The following ANTXR1 variants were observed in gnomAD, a reference collection of about 807,000 sequenced individuals.
The protein encoded by ANTXR1 is ANTXR cell adhesion molecule 1, also known as anthrax toxin receptor 1.
ANTXR1 carries 19 observed loss-of-function variants against 78.1 expected under a neutral mutation model. The ratio of observed to expected loss-of-function variants is 0.24; its 90% CI spans 0.17 to 0.36. The LOEUF (loss-of-function observed/expected upper bound fraction) is 0.36, where lower values mean the gene tolerates loss of function less well. ANTXR1 is among the 10% of genes least tolerant of loss of function. The pLI is 1.00. For synonymous variants in ANTXR1, 273 were observed against 260.5 expected (o/e 1.05, Z -0.46); for missense variants, 518 against 718.6 (o/e 0.72, Z 3.19).
intron 17 of ANTXR1, among the ~76,000 whole-genome samples, chr2:69,198,241 C>T (rs1674705968): frequency 6.6e-6 from 1 of 152,188 alleles, no homozygotes; most frequent in South Asian, 2.1e-4. Context: ...ACATTAGCCC[C>T]CTATGAAACG....
chr2:69,161,163 TG>T (rs1673673440), intron 13 of ANTXR1, among the ~76,000 whole-genome samples: 1 of 152,224 alleles, frequency 6.6e-6, no homozygotes, highest in South Asian at 2.1e-4. Flanking sequence ...TTTATTTTGC[TG>T]TTTCACTTCA....
At chr2:69,098,722 A>T (rs1210303107) in intron 9 of ANTXR1, among the ~76,000 whole-genome samples, 2 of 152,164 alleles carry the variant, frequency 1.3e-5, no homozygotes, top group Admixed American at 1.3e-4. Context: ...GTGGTGGCTC[A>T]CACCTGTAAT....
chr2:69,096,298 G>A (rs7582428), intron 9 of ANTXR1, among the ~76,000 whole-genome samples: 8,951 of 15,254 alleles, frequency 0.59, 2,086 homozygotes, highest in East Asian at 0.71. Flanking sequence ...GGGAGGAAGG[G>A]AGGAAGGGAG....
In ANTXR1 at chr2:69,013,317, G is replaced by T; in HGVS notation, c.-183G>T. ...AAACCCGAAACCCAGAAACAGCATCGGAGCGGAAACCAGAGGGGAAACCTT... is the reference window on the plus strand; with the variant it reads ...AAACCCGAAACCCAGAAACAGCATCTGAGCGGAAACCAGAGGGGAAACCTT... On this transcript the variant is annotated 5_prime_UTR_variant, in exon 1 of 18. Coordinates refer to ENST00000303714, the MANE Select transcript of ANTXR1 (RefSeq NM_032208.3). The surrounding 1 kb of genome is among the most constrained non-coding windows in gnomAD (Gnocchi z 5.0). 1 of 788,650 alleles carries T rather than the reference G, an allele frequency of 1.3e-6. No individual in the cohort carries two copies. The highest frequency in any genetic ancestry group is 2.3e-5 in the Admixed American group (1 of 43,212). 48.9% of individuals were successfully genotyped at this position (788,650 alleles called of 1,614,324 possible). A position where few individuals can be genotyped will look rare whatever the true frequency, so the allele number is the denominator to read the frequency against.
In ANTXR1 at chr2:69,146,135, G is replaced by A. The variant is rs1245190926; in HGVS notation, c.952-6034G>A. ...GCTGAGCTTGTCCTGCCTTCGTATTGAATGTTGCCTGTCTGCCTCCTTAAT... is the reference window on the plus strand; with the variant it reads ...GCTGAGCTTGTCCTGCCTTCGTATTAAATGTTGCCTGTCTGCCTCCTTAAT... On this transcript the variant is annotated intron_variant, in intron 12 of 17. Coordinates refer to ENST00000303714, the MANE Select transcript of ANTXR1 (RefSeq NM_032208.3). 4.1e-6 allele frequency: 4 copies of A among 985,282 alleles called. No individual in the cohort carries two copies. In the African/African-American group the frequency reaches 7.0e-5, roughly 17 times the overall value. 61.0% of individuals were successfully genotyped at this position (985,282 alleles called of 1,614,324 possible). A position where few individuals can be genotyped will look rare whatever the true frequency, so the allele number is the denominator to read the frequency against.
At chr2:69,087,892 A>G (rs1573861223) in intron 8 of ANTXR1, among the ~76,000 whole-genome samples, 1 of 152,084 alleles carries the variant, frequency 6.6e-6, no homozygotes, top group Non-Finnish European at 1.5e-5. Flanking sequence ...AAATCCACCA[A>G]CTGCCATTGT....
intron 17 of ANTXR1, among the ~76,000 whole-genome samples, chr2:69,238,016 A>G (rs1371081454): frequency 6.6e-6 from 1 of 152,162 alleles, no homozygotes; most frequent in African/African-American, 2.4e-5. Context: ...AGTATGAAGG[A>G]TCTTTATGAA....
intron 12 of ANTXR1, chr2:69,145,880 C>G (rs1673212400): frequency 1.0e-6 from 1 of 985,964 alleles, no homozygotes; most frequent in African/African-American, 1.7e-5. Flanking sequence ...CATTAAAAAT[C>G]CAAAATTGCC....
intron 10 of ANTXR1, among the ~76,000 whole-genome samples, chr2:69,120,125 T>C (rs1672292513): frequency 6.6e-6 from 1 of 152,226 alleles, no homozygotes; most frequent in African/African-American, 2.4e-5. Flanking sequence ...TTCGAAACAC[T>C]GACATTACCC....
chr2:69,212,289 C>T (rs540075500), intron 17 of ANTXR1, among the ~76,000 whole-genome samples: 2 of 152,150 alleles, frequency 1.3e-5, no homozygotes, highest in African/African-American at 2.4e-5. Flanking sequence ...GAGAATTTCA[C>T]AGGACCTTGG....
intron 17 of ANTXR1, among the ~76,000 whole-genome samples, chr2:69,235,667 A>AAG (rs1675743097): frequency 6.6e-6 from 1 of 150,810 alleles, no homozygotes; most frequent in Non-Finnish European, 1.5e-5. Flanking sequence ...AAAAAAAAAA[A>AAG]AAAAAAGAAT....
intron 12 of ANTXR1, chr2:69,145,221 A>C: frequency 1.7e-6 from 2 of 1,190,830 alleles, no homozygotes; most frequent in Non-Finnish European, 2.4e-6. Context: ...ATTCGCTTAA[A>C]CTTTAGGGAC....
chr2:69,124,325 C>T (rs1325735278), intron 11 of ANTXR1, among the ~76,000 whole-genome samples: 1 of 152,204 alleles, frequency 6.6e-6, no homozygotes, highest in East Asian at 1.9e-4. Context: ...AATGCACTGC[C>T]TTAATATACC....
intron 17 of ANTXR1, among the ~76,000 whole-genome samples, chr2:69,238,915 C>T (rs940599855): frequency 2.0e-5 from 3 of 152,198 alleles, no homozygotes; most frequent in East Asian, 3.9e-4. Flanking sequence ...TCCCTCTCCA[C>T]GGAGCGTGCC....
At chr2:69,190,978 G>A (rs1674531514) in intron 16 of ANTXR1, among the ~76,000 whole-genome samples, 1 of 152,048 alleles carries the variant, frequency 6.6e-6, no homozygotes, top group Non-Finnish European at 1.5e-5. Flanking sequence ...CCAAATGCTG[G>A]GAGTCCTCTC....
chr2:69,101,342 G>A (rs1389247304), intron 9 of ANTXR1, among the ~76,000 whole-genome samples: 1 of 152,214 alleles, frequency 6.6e-6, no homozygotes, highest in Non-Finnish European at 1.5e-5. Context: ...AGAAGCTAAT[G>A]GCTGAGTTCT....
At chr2:69,151,888 T>C (rs1673408960) in intron 12 of ANTXR1, among the ~76,000 whole-genome samples, 1 of 152,202 alleles carries the variant, frequency 6.6e-6, no homozygotes, top group Non-Finnish European at 1.5e-5. Flanking sequence ...TCCATGTTCA[T>C]GCCTGCTCTG....
At chr2:69,156,903 T>C (rs1573940556) in intron 13 of ANTXR1, among the ~76,000 whole-genome samples, 1 of 152,338 alleles carries the variant, frequency 6.6e-6, no homozygotes, top group African/African-American at 2.4e-5. Context: ...ACGTGAGATT[T>C]GCGTGGGAAC....
At chr2:69,195,418 G>A (rs1430472137) in intron 17 of ANTXR1, among the ~76,000 whole-genome samples, 1 of 152,156 alleles carries the variant, frequency 6.6e-6, no homozygotes, top group African/African-American at 2.4e-5. Flanking sequence ...TGGGTGGTTT[G>A]TAGCTGAGAA....
Sources: allele counts gnomAD v4.1 joint callset (sites outside exome capture counted in the v4.1 genomes callset), GRCh38; gene constraint gnomAD v4.1.1; non-coding constraint Gnocchi (gnomAD v3.1); transcripts MANE v1.5; gene names NCBI Gene and HGNC (gene_info 2026-07-23, HGNC 2026-07-21).